The following CCDC85A variants were observed in gnomAD, a reference collection of about 807,000 sequenced individuals.
The protein encoded by CCDC85A is coiled-coil domain-containing protein 85A.
Under a neutral mutation model 50.2 loss-of-function variants are expected in CCDC85A, and 38 were observed. That is an observed-to-expected ratio of 0.76 (90% CI 0.58 to 0.99). The LOEUF is 0.99. Ranked by LOEUF, CCDC85A falls within the 50% of genes least tolerant of loss-of-function variation. The probability of loss-of-function intolerance (pLI) is 0.00; values close to 1 mark genes in which losing one functional copy is unlikely to be tolerated. For missense variants in CCDC85A, 820 were observed against 742.0 expected, an observed-to-expected ratio of 1.11 and a Z score of -1.22; for synonymous variants, 366 against 301.4, an observed-to-expected ratio of 1.21 and a Z score of -2.22.
intron 2 of CCDC85A, among the ~76,000 whole-genome samples, chr2:56,286,012 AC>A (rs1228848535): frequency 7.8e-6 from 1 of 128,352 alleles, no homozygotes; most frequent in Non-Finnish European, 1.6e-5. Flanking sequence ...AGTCCCCCCC[AC>A]CCCGACCCCC....
At chr2:56,299,465 T>C (rs1019588394) in intron 2 of CCDC85A, among the ~76,000 whole-genome samples, 11 of 152,166 alleles carry the variant, frequency 7.2e-5, no homozygotes, top group Admixed American at 5.2e-4. Flanking sequence ...CTGCTTGGGA[T>C]CCTGAGGCTG....
Position 56,227,719 on chromosome 2 carries a change from A to AT in CCDC85A, c.1240+34290dup, listed in dbSNP as rs11293407. Among the ~76,000 whole-genome samples the AT allele has an allele frequency of 3.3e-4, 50 of 150,122 alleles. No individual in the cohort carries two copies. The East Asian group carries it at 5.1e-3, about 15-fold the overall frequency. On this transcript the variant is annotated intron_variant, in intron 2 of 5. Transcript: ENST00000407595. ...TTGTTTGACACATGGAACCACCCCC[A>AT]TTTTTTTTTTTGGTGTATTTTAATA... is the stretch of plus-strand genomic sequence containing the variant.
At chr2:56,306,772 C>T (rs1387143321) in intron 2 of CCDC85A, among the ~76,000 whole-genome samples, 1 of 152,060 alleles carries the variant, frequency 6.6e-6, no homozygotes, top group Non-Finnish European at 1.5e-5. Context: ...ATGTGCCAGA[C>T]CTAAGCTAGA....
chr2:56,324,604 CT>C (rs995381628), intron 2 of CCDC85A, among the ~76,000 whole-genome samples: 2 of 151,946 alleles, frequency 1.3e-5, no homozygotes, highest in Admixed American at 1.3e-4. Context: ...ACCAGGTAGA[CT>C]TTTTAAAAAT....
At chr2:56,229,106 T>G (rs1368926844) in intron 2 of CCDC85A, among the ~76,000 whole-genome samples, 2 of 152,158 alleles carry the variant, frequency 1.3e-5, no homozygotes, top group Non-Finnish European at 2.9e-5. Context: ...TCTACCACAG[T>G]CTATGATTGC....
intron 3 of CCDC85A, among the ~76,000 whole-genome samples, chr2:56,343,661 T>G (rs192330132): frequency 8.5e-5 from 13 of 152,192 alleles, no homozygotes; most frequent in Non-Finnish European, 1.9e-4. Context: ...CTAGGTTGGT[T>G]TCCTTTTCAA....
chr2:56,370,631 T>C (rs975720617), intron 3 of CCDC85A, among the ~76,000 whole-genome samples: 2 of 152,280 alleles, frequency 1.3e-5, no homozygotes, highest in Middle Eastern at 3.4e-3. Context: ...TTTTATGTAG[T>C]ATCTACTTTC....
intron 2 of CCDC85A, among the ~76,000 whole-genome samples, chr2:56,334,967 T>G (rs1306637847): frequency 6.6e-6 from 1 of 152,110 alleles, no homozygotes; most frequent in Non-Finnish European, 1.5e-5. Context: ...TCATAAATAG[T>G]GGACTAGGGC....
chr2:56,342,951 C>T lies in CCDC85A; in HGVS notation c.1313C>T (p.Pro438Leu), dbSNP rs755631892. ...RQLEEENRML[P>L]QASQNRRQPP... is the part of the protein sequence containing the mutation. ...CTGGAGGAAGAAAATCGCATGCTGC[C>T]CCAGGTGGGTGACTTCCAGAAGCTC... The change falls in exon 3 of 6, where the codon CCC (proline) becomes CTC (leucine). Residue 438 changes from proline (P) to leucine (L), a missense_variant. By Grantham distance (98) the Pro-to-Leu change is moderately conservative. Transcript: ENST00000407595. 11 of 1,589,680 alleles carry T rather than the reference C, an allele frequency of 6.9e-6. No individual in the cohort carries two copies. The highest frequency in any genetic ancestry group is 1.1e-5 in the South Asian group (1 of 87,340).
chr2:56,272,587 G>C (rs936279973), intron 2 of CCDC85A, among the ~76,000 whole-genome samples: 1 of 152,104 alleles, frequency 6.6e-6, no homozygotes, highest in African/African-American at 2.4e-5. Context: ...CACACCCAGG[G>C]ACATCATATA....
At chr2:56,273,209 C>A (rs1319370699) in intron 2 of CCDC85A, among the ~76,000 whole-genome samples, 1 of 152,084 alleles carries the variant, frequency 6.6e-6, no homozygotes, top group Non-Finnish European at 1.5e-5. Flanking sequence ...GGAGATCAGT[C>A]TGTGAGTTTC....
intron 2 of CCDC85A, among the ~76,000 whole-genome samples, chr2:56,214,777 G>A (rs555321377): frequency 3.3e-5 from 5 of 151,996 alleles, no homozygotes; most frequent in African/African-American, 9.6e-5. Flanking sequence ...CTTGATTACT[G>A]TAGTTTGAAG....
intron 2 of CCDC85A, among the ~76,000 whole-genome samples, chr2:56,289,528 G>GGGT (rs1671608319): frequency 6.6e-6 from 1 of 152,106 alleles, no homozygotes; most frequent in Non-Finnish European, 1.5e-5. Context: ...GCATGAGAGA[G>GGGT]GGTGGCACAC....
chr2:56,240,436 T>C (rs1669205252), intron 2 of CCDC85A, among the ~76,000 whole-genome samples: 1 of 152,098 alleles, frequency 6.6e-6, no homozygotes, highest in Admixed American at 6.5e-5. Flanking sequence ...GGAGTGTACT[T>C]TTGTTTCAGT....
intron 1 of CCDC85A, among the ~76,000 whole-genome samples, chr2:56,189,973 G>T (rs1676229879): frequency 6.6e-6 from 1 of 152,232 alleles, no homozygotes; most frequent in Admixed American, 6.5e-5. Flanking sequence ...AGAAGCAAAG[G>T]AACAGAGTTG....
At chr2:56,337,726 G>GT (rs1674145086) in intron 2 of CCDC85A, among the ~76,000 whole-genome samples, 1 of 150,596 alleles carries the variant, frequency 6.6e-6, no homozygotes, top group African/African-American at 2.4e-5. Context: ...TTACCTTATT[G>GT]TTTTTTCCCT....
chr2:56,186,369 C>T (rs1399760661), intron 1 of CCDC85A, among the ~76,000 whole-genome samples: 3 of 152,176 alleles, frequency 2.0e-5, no homozygotes, highest in Non-Finnish European at 4.4e-5. Flanking sequence ...TTCTCAGATC[C>T]TCCTTTTATT....
chr2:56,360,088 G>A (rs1675445634), intron 3 of CCDC85A, among the ~76,000 whole-genome samples: 2 of 152,190 alleles, frequency 1.3e-5, no homozygotes, highest in African/African-American at 4.8e-5. Context: ...AGATTAGCCA[G>A]TGTGATGTTC....
intron 2 of CCDC85A, among the ~76,000 whole-genome samples, chr2:56,340,124 G>A (rs1371337281): frequency 6.6e-6 from 1 of 152,132 alleles, no homozygotes; most frequent in Non-Finnish European, 1.5e-5. Flanking sequence ...TTGGAAAACA[G>A]GCCTGCTCTA....
Sources: allele counts gnomAD v4.1 joint callset (sites outside exome capture counted in the v4.1 genomes callset), GRCh38; gene constraint gnomAD v4.1.1; transcripts MANE v1.5; gene names NCBI Gene and HGNC (gene_info 2026-07-23, HGNC 2026-07-21).